The following ZNF614 variants were observed in gnomAD, a reference collection of about 807,000 sequenced individuals.
The protein encoded by ZNF614 is zinc finger protein 614.
In ZNF614, 11 loss-of-function variants were observed where a neutral mutation model predicts 12.8. That is an observed-to-expected ratio of 0.86 (90% CI 0.54 to 1.43). ZNF614 has a LOEUF of 1.43. ZNF614 is among the 40% of genes most tolerant of loss of function. The pLI is 0.00. For missense variants in ZNF614, 664 were observed against 708.8 expected (o/e 0.94, Z 0.72); for synonymous variants, 237 against 237.5 (o/e 1.00, Z 0.02).
Position 52,016,937 on chromosome 19 carries a change from T to C in ZNF614, c.661A>G (p.Ile221Val), listed in dbSNP as rs1390183437. The change falls in exon 5 of 5, where the codon ATT (isoleucine) becomes GTT (valine). Residue 221 changes from isoleucine to valine, a missense_variant. By Grantham distance (29) the Ile-to-Val change is conservative (BLOSUM62 3). Coordinates refer to ENST00000270649, the MANE Select transcript of ZNF614 (RefSeq NM_025040.4). ...EQTFLRKSQL[I>V]YHENICIQEN... Reference sequence around the variant, plus strand: ...TGTATACAAATGTTCTCATGGTAAATGAGCTGAGACTTCCTAAGGAAGGTT... The same window carrying C: ...TGTATACAAATGTTCTCATGGTAAACGAGCTGAGACTTCCTAAGGAAGGTT... 6.2e-7 allele frequency: 1 copy of C among 1,613,840 alleles called. No homozygotes were observed. Among genetic ancestry groups the C allele is most frequent in the Non-Finnish European group, 8.5e-7 (1 of 1,180,036 alleles).
rs1295433295 is a variant in ZNF614, at chr19:52,023,078, CAAAAAAAAAAAAAG to C, written c.15+2639_15+2652del. Among the ~76,000 whole-genome samples the C allele has an allele frequency of 7.9e-4, 34 of 43,306 alleles. 1 individual carries two copies. Among genetic ancestry groups the C allele is most frequent in the Middle Eastern group, 0.029 (2 of 70 alleles). The allele number at this position is 43,306 out of a possible 152,430, so 28.4% of individuals were successfully genotyped here. A position where few individuals can be genotyped will look rare whatever the true frequency, so the allele number is the denominator to read the frequency against. ...TGGGCATCAGAGTGAGACGCCATCT[CAAAAAAAAAAAAAG>C]AAAAAAAAAAAAAGAAAAAAACTCA... On this transcript the variant is annotated intron_variant, in intron 2 of 4. Coordinates refer to ENST00000270649, the MANE Select transcript of ZNF614 (RefSeq NM_025040.4).
At chr19:52,022,620 C>T (rs2086939494) in intron 2 of ZNF614, among the ~76,000 whole-genome samples, 1 of 151,856 alleles carries the variant, frequency 6.6e-6, no homozygotes, top group African/African-American at 2.4e-5. Flanking sequence ...AAGACTGCCT[C>T]CTCTTAAGAT....
At chr19:52,020,528 C>T (rs755796046) in intron 2 of ZNF614, among the ~76,000 whole-genome samples, 24 of 152,274 alleles carry the variant, frequency 1.6e-4, no homozygotes, top group Non-Finnish European at 3.1e-4. Context: ...TGCCAGCCAG[C>T]GAGGCGCACC....
At chr19:52,020,755 T>A (rs1402460018) in intron 2 of ZNF614, among the ~76,000 whole-genome samples, 3 of 152,188 alleles carry the variant, frequency 2.0e-5, no homozygotes, top group African/African-American at 7.2e-5. Flanking sequence ...TCTAGGGATC[T>A]ACTATGAGTC....
chr19:52,016,900 C>G lies in ZNF614; in HGVS notation c.698G>C (p.Gly233Ala), dbSNP rs753479161. ...HENICIQENP[G>A]SGQCEKLSRS... Reference sequence around the variant, plus strand: ...GGATAATTTCTCACATTGACCACTTCCAGGATTCTCTTGTATACAAATGTT... The same window carrying G: ...GGATAATTTCTCACATTGACCACTTGCAGGATTCTCTTGTATACAAATGTT... The change falls in exon 5 of 5, where the codon GGA becomes GCA. Residue 233 changes from glycine (G) to alanine (A), a missense_variant. By Grantham distance (60) the Gly-to-Ala change is moderately conservative. Coordinates refer to ENST00000270649, the MANE Select transcript of ZNF614 (RefSeq NM_025040.4). 1 of 1,614,112 alleles carries G rather than the reference C, an allele frequency of 6.2e-7. No homozygotes were observed. The highest frequency in any genetic ancestry group is 8.5e-7 in the Non-Finnish European group (1 of 1,180,014).
chr19:52,021,554 T>C (rs533647531), intron 2 of ZNF614, among the ~76,000 whole-genome samples: 16 of 151,966 alleles, frequency 1.1e-4, no homozygotes, highest in Non-Finnish European at 2.2e-4. Context: ...CTGAGCAACA[T>C]AGTGAGACTC....
At position 52,018,081 on chromosome 19, in the gene ZNF614, A is replaced by G. The variant is rs2086911685; in HGVS notation, c.165T>C (p.Asp55=). The part of the protein sequence containing the change: ...VSLGYQTSKP[D]VLSKLAHGQE... Reference sequence around the variant, plus strand: ...GTCCATGTGCCAACTTGGAGAGTACATCTGGTTTGCTAGTTTGATACCCTG... The same window carrying G: ...GTCCATGTGCCAACTTGGAGAGTACGTCTGGTTTGCTAGTTTGATACCCTG... The change falls in exon 4 of 5, where the codon GAT becomes GAC. Residue 55 remains aspartate (D), a synonymous_variant. Transcript: ENST00000270649. 1.9e-6 allele frequency: 3 copies of G among 1,614,002 alleles called. No individual in the cohort carries two copies. Among genetic ancestry groups the G allele is most frequent in the Non-Finnish European group, 2.5e-6 (3 of 1,180,008 alleles).
At position 52,016,837 on chromosome 19, in the gene ZNF614, G is replaced by C; in HGVS notation, c.761C>G (p.Thr254Arg). ...ATTGGGTATACAGATTTTGTCTGTTGTATTAGTTTTCAGATGCTTAGTGAA... is the reference window on the plus strand; with the variant it reads ...ATTGGGTATACAGATTTTGTCTGTTCTATTAGTTTTCAGATGCTTAGTGAA... Reference protein sequence around the residue: ...VLFTKHLKTNTTDKICIPNEY... With the variant: ...VLFTKHLKTNRTDKICIPNEY... Residue 254 changes from threonine (T) to arginine (R), a missense_variant, in exon 5 of 5, where the codon ACA becomes AGA. By Grantham distance (71) the Thr-to-Arg change is moderately conservative. Transcript: ENST00000270649. 6.2e-7 allele frequency: 1 copy of C among 1,613,796 alleles called. No homozygotes were observed. Among genetic ancestry groups the C allele is most frequent in the Non-Finnish European group, 8.5e-7 (1 of 1,180,016 alleles).
At position 52,018,077 on chromosome 19, in the gene ZNF614, G is replaced by A; in HGVS notation, c.169C>T (p.Leu57Phe). The change falls in exon 4 of 5, where the codon CTC becomes TTC. Residue 57 changes from leucine to phenylalanine, a missense_variant. Transcript: ENST00000270649. ...LGYQTSKPDV[L>F]SKLAHGQEPW... ...TCTTGTCCATGTGCCAACTTGGAGA[G>A]TACATCTGGTTTGCTAGTTTGATAC... The A allele has an allele frequency of 6.2e-7, 1 of 1,614,042 alleles. No individual in the cohort carries two copies. The highest frequency in any genetic ancestry group is 8.5e-7 in the Non-Finnish European group (1 of 1,179,960).
Position 52,016,568 on chromosome 19 carries a change from T to C in ZNF614, c.1030A>G (p.Ile344Val). The C allele has an allele frequency of 6.2e-7, 1 of 1,614,066 alleles. No homozygotes were observed. The highest frequency in any genetic ancestry group is 8.5e-7 in the Non-Finnish European group (1 of 1,179,976). Reference protein sequence around the residue: ...QRTHTGEKPYICSECGKGFTM... With the variant: ...QRTHTGEKPYVCSECGKGFTM... Reference sequence around the variant, plus strand: ...AAGCCTTTTCCACATTCACTGCATATATAGGGTTTCTCCCCTGTATGAGTT... The same window carrying C: ...AAGCCTTTTCCACATTCACTGCATACATAGGGTTTCTCCCCTGTATGAGTT... The change falls in exon 5 of 5, where the codon ATA becomes GTA. Residue 344 changes from isoleucine to valine, a missense_variant. By Grantham distance (29) the Ile-to-Val change is conservative. Coordinates refer to ENST00000270649, the MANE Select transcript of ZNF614 (RefSeq NM_025040.4).
chr19:52,016,036 G>A lies in ZNF614; in HGVS notation c.1562C>T (p.Thr521Ile), dbSNP rs1174799226. The change falls in exon 5 of 5, where the codon ACC (threonine) becomes ATC (isoleucine). Residue 521 changes from threonine (T) to isoleucine (I), a missense_variant. Transcript: ENST00000270649. ...YECNECGKAF[T>I]TKSVLNVHQR... Reference sequence around the variant, plus strand: ...ATGTACATTGAGTACTGACTTTGTGGTGAAGGCTTTTCCACATTCATTGCA... The same window carrying A: ...ATGTACATTGAGTACTGACTTTGTGATGAAGGCTTTTCCACATTCATTGCA... The A allele has an allele frequency of 3.1e-6, 5 of 1,614,062 alleles. No individual in the cohort carries two copies. The South Asian group carries it at 3.3e-5, about 11-fold the overall frequency.
chr19:52,018,334 G>C (rs1158602436), intron 3 of ZNF614, 34 bp downstream of exon 3: 1 of 1,613,366 alleles, frequency 6.2e-7, no homozygotes, highest in Admixed American at 1.7e-5. Context: ...GGCATTGTAG[G>C]CACCTCTAGG....
Position 52,017,159 on chromosome 19 carries a change from T to C in ZNF614, c.439A>G (p.Lys147Glu). The C allele has an allele frequency of 6.2e-7, 1 of 1,614,188 alleles. No individual in the cohort carries two copies. The highest frequency in any genetic ancestry group is 8.5e-7 in the Non-Finnish European group (1 of 1,180,038). Residue 147 changes from lysine (K) to glutamate (E), a missense_variant, in exon 5 of 5, where the codon AAG becomes GAG. By Grantham distance (56) the Lys-to-Glu change is moderately conservative (BLOSUM62 1). Transcript: ENST00000270649. Reference protein sequence around the residue: ...LKSSLSLINQKRRHGINNPVE... With the variant: ...LKSSLSLINQERRHGINNPVE... The stretch of plus-strand genomic sequence containing the variant: ...GGGTTATTTATTCCATGTCTTCTCT[T>C]CTGGTTGATTAAACTTAAACTTGAT...
chr19:52,018,181 T>C lies in ZNF614; in HGVS notation c.143-78A>G, dbSNP rs1350715366. On this transcript the variant is annotated intron_variant, in intron 3 of 4. Coordinates refer to ENST00000270649, the MANE Select transcript of ZNF614 (RefSeq NM_025040.4). ...CAAGATGGAAAAATAATACATTCGA[T>C]GAAGAAAACAATTTCAAAGTAAGCA... 1.1e-5 allele frequency: 16 copies of C among 1,466,854 alleles called. No homozygotes were observed. The East Asian group carries it at 3.6e-4, about 33-fold the overall frequency. The allele number at this position is 1,466,854 out of a possible 1,614,324, so 90.9% of individuals were successfully genotyped here.
At chr19:52,022,312 G>A (rs904189443) in intron 2 of ZNF614, among the ~76,000 whole-genome samples, 1 of 151,660 alleles carries the variant, frequency 6.6e-6, no homozygotes, top group Non-Finnish European at 1.5e-5. Flanking sequence ...CCACTGTCTG[G>A]GAAGTGAGAA....
chr19:52,015,765 G>A lies in ZNF614; in HGVS notation c.*75C>T. 7.3e-7 allele frequency: 1 copy of A among 1,365,684 alleles called. No homozygotes were observed. The highest frequency in any genetic ancestry group is 1.0e-6 in the Non-Finnish European group (1 of 994,898). The allele number at this position is 1,365,684 out of a possible 1,614,324, so 84.6% of individuals were successfully genotyped here. On this transcript the variant is annotated 3_prime_UTR_variant, in exon 5 of 5. Coordinates refer to ENST00000270649, the MANE Select transcript of ZNF614 (RefSeq NM_025040.4). ...TCCAATTGGCTAGAAACACACTGAT[G>A]TTTAATGAAGTCTGAGTTGCCACAA...
At chr19:52,021,749 A>G (rs1325627808) in intron 2 of ZNF614, among the ~76,000 whole-genome samples, 1 of 151,824 alleles carries the variant, frequency 6.6e-6, no homozygotes, top group Non-Finnish European at 1.5e-5. Flanking sequence ...AAAAAAAAAA[A>G]AGGAATAAAT....
rs556769737 is a variant in ZNF614, at chr19:52,018,592, T to G, written c.16-98A>C. ...AAAAATTTTCACAATACAGCCTGCA[T>G]CTATATTCCTTTCTCAAATATACTT... is the stretch of plus-strand genomic sequence containing the variant. On this transcript the variant is annotated intron_variant, in intron 2 of 4. Transcript: ENST00000270649. The G allele has an allele frequency of 1.8e-5, 22 of 1,246,700 alleles. No individual in the cohort carries two copies. In the East Asian group the frequency reaches 5.8e-4, roughly 33 times the overall value. The allele number at this position is 1,246,700 out of a possible 1,614,324, so 77.2% of individuals were successfully genotyped here.
rs1214004492 is a variant in ZNF614, at chr19:52,016,839, A to T, written c.759T>A (p.Asn253Lys). 6.2e-7 allele frequency: 1 copy of T among 1,614,102 alleles called. No homozygotes were observed. The highest frequency in any genetic ancestry group is 1.1e-5 in the South Asian group (1 of 91,084). ...TGGGTATACAGATTTTGTCTGTTGT[A>T]TTAGTTTTCAGATGCTTAGTGAACA... ...SVLFTKHLKT[N>K]TTDKICIPNE... Residue 253 changes from asparagine (N) to lysine (K), a missense_variant, in exon 5 of 5, where the codon AAT (asparagine) becomes AAA (lysine). Transcript: ENST00000270649.
Sources: gnomAD v4.1 joint callset for allele counts (sites outside exome capture counted in the v4.1 genomes callset) on GRCh38, gnomAD v4.1.1 for gene constraint, MANE v1.5 for transcripts, NCBI Gene and HGNC (gene_info 2026-07-23, HGNC 2026-07-21) for gene names.